The following KIF11 variants were observed in gnomAD, a reference collection of about 807,000 sequenced individuals.
KIF11 encodes the protein kinesin-like protein KIF11.
KIF11 carries 9 observed loss-of-function variants against 121.0 expected under a neutral mutation model. That is an observed-to-expected ratio of 0.07 (90% CI 0.04 to 0.13). The LOEUF (loss-of-function observed/expected upper bound fraction) is 0.13. Among genes scored for constraint, KIF11 ranks in the 10% least tolerant of loss-of-function variants. KIF11 has a pLI of 1.00. For missense variants in KIF11, 846 were observed against 1,217.5 expected (o/e 0.69, Z 4.54); for synonymous variants, 408 against 421.0 (o/e 0.97, Z 0.38).
At chr10:92,601,603 G>T (rs1844372927) in intron 1 of KIF11, among the ~76,000 whole-genome samples, 1 of 131,862 alleles carries the variant, frequency 7.6e-6, no homozygotes, top group Admixed American at 7.7e-5. Flanking sequence ...TCCTTGTCTT[G>T]CTCCTGTTCT....
At chr10:92,640,545 C>T (rs1056231992) in intron 17 of KIF11, among the ~76,000 whole-genome samples, 1 of 152,216 alleles carries the variant, frequency 6.6e-6, no homozygotes, top group African/African-American at 2.4e-5. Context: ...CATTCTCCTG[C>T]CTCAGCCTCC....
intron 1 of KIF11, among the ~76,000 whole-genome samples, chr10:92,594,440 C>T (rs556574887): frequency 2.6e-5 from 4 of 152,248 alleles, no homozygotes; most frequent in East Asian, 3.9e-4. Context: ...TTGTTGTACT[C>T]TGGGGCTTCT....
chr10:92,631,023 C>T (rs1007802231), intron 12 of KIF11, among the ~76,000 whole-genome samples: 1 of 151,222 alleles, frequency 6.6e-6, no homozygotes, highest in Admixed American at 6.6e-5. Context: ...TGGTGGCTCA[C>T]GCCTGTAATC....
At chr10:92,643,187 T>G (rs1169639884) in intron 17 of KIF11, among the ~76,000 whole-genome samples, 1 of 152,178 alleles carries the variant, frequency 6.6e-6, no homozygotes, top group East Asian at 1.9e-4. Flanking sequence ...GCTGGGATTA[T>G]AGGTGTGAGG....
At chr10:92,631,402 C>T (rs1332733630) in intron 12 of KIF11, among the ~76,000 whole-genome samples, 6 of 148,902 alleles carry the variant, frequency 4.0e-5, no homozygotes, top group East Asian at 2.0e-4. Flanking sequence ...TCGCCCAGGC[C>T]GGACTGCGGA....
chr10:92,606,561 A>G, intron 2 of KIF11, 58 bp from the exon 3 acceptor site: 1 of 1,277,558 alleles, frequency 7.8e-7, no homozygotes, highest in Non-Finnish European at 1.1e-6. Flanking sequence ...CGAAAAACAA[A>G]ATTATTAAAA....
chr10:92,593,381 G>A lies in KIF11; in HGVS notation c.6G>A (p.Ala2=), dbSNP rs1437550192. The A allele has an allele frequency of 6.2e-7, 1 of 1,607,680 alleles. No homozygotes were observed. Among genetic ancestry groups the A allele is most frequent in the Non-Finnish European group, 8.5e-7 (1 of 1,177,690 alleles). The change falls in exon 1 of 22, where the codon GCG becomes GCA. Residue 2 remains alanine, a synonymous_variant. Transcript: ENST00000260731. ...ATTTTTTGGCGGGGACCGTCATGGC[G>A]TCGCAGCCAAATTCGTCTGCGAAGA... M[A]SQPNSSAKKK...
intron 10 of KIF11, among the ~76,000 whole-genome samples, chr10:92,624,944 A>G (rs910460637): frequency 2.0e-5 from 3 of 151,290 alleles, no homozygotes; most frequent in Non-Finnish European, 4.4e-5. Context: ...TAATTTTTGT[A>G]TTTTTAGTAG....
intron 21 of KIF11, among the ~76,000 whole-genome samples, chr10:92,650,731 TAC>T (rs1844971469): frequency 6.6e-6 from 1 of 152,184 alleles, no homozygotes; most frequent in Admixed American, 6.5e-5. Context: ...TGACTTAATC[TAC>T]ATCCTTAGCT....
At chr10:92,641,445 GA>G (rs1165502687) in intron 17 of KIF11, among the ~76,000 whole-genome samples, 2 of 152,140 alleles carry the variant, frequency 1.3e-5, no homozygotes, top group African/African-American at 4.8e-5. Flanking sequence ...ACTGGCTGTG[GA>G]ATTCAGGGTT....
rs758052909 is a variant in KIF11, at chr10:92,593,327, A to T, written c.-49A>T. 2.6e-6 allele frequency: 4 copies of T among 1,563,700 alleles called. No homozygotes were observed. Among genetic ancestry groups the T allele is most frequent in the African/African-American group, 1.3e-5 (1 of 74,118 alleles). ...CGGCCGCCAAGCCCCTCCGCCCCTC[A>T]CAGCGCCCAGGTCCGCGGCCGGGCC... On this transcript the variant is annotated 5_prime_UTR_variant, in exon 1 of 22. Transcript: ENST00000260731.
chr10:92,632,756 A>ATACTT, intron 13 of KIF11, 63 bp downstream of exon 13: 1 of 951,246 alleles, frequency 1.1e-6, no homozygotes, highest in Non-Finnish European at 1.6e-6. Context: ...TTCAAAACTG[A>ATACTT]TAATTTTGTG....
At chr10:92,637,621 A>G (rs1478264911) in intron 16 of KIF11, 76 bp downstream of exon 16, 2 of 1,383,114 alleles carry the variant, frequency 1.4e-6, no homozygotes, top group East Asian at 2.4e-5. Flanking sequence ...TAATTAATCT[A>G]TGTTACACAA....
chr10:92,632,404 A>T, intron 12 of KIF11, 82 bp from the exon 13 acceptor site: 1 of 922,716 alleles, frequency 1.1e-6, no homozygotes, highest in Non-Finnish European at 1.7e-6. Flanking sequence ...AGTTCTTATC[A>T]AGATAAATCC....
chr10:92,629,101 C>G (rs1162665611), intron 11 of KIF11, among the ~76,000 whole-genome samples: 2 of 152,018 alleles, frequency 1.3e-5, no homozygotes, highest in African/African-American at 2.4e-5. Flanking sequence ...CTGCCTCAGC[C>G]TCCCGAGTAG....
intron 4 of KIF11, among the ~76,000 whole-genome samples, chr10:92,607,948 A>C (rs1844447429): frequency 6.6e-6 from 1 of 152,006 alleles, no homozygotes; most frequent in South Asian, 2.1e-4. Flanking sequence ...TGAGGTCAGC[A>C]GTTCGAGACC....
chr10:92,607,307 G>A, intron 4 of KIF11, 70 bp downstream of exon 4: 1 of 888,112 alleles, frequency 1.1e-6, no homozygotes, highest in Non-Finnish European at 1.8e-6. Flanking sequence ...ACTTGTTTGA[G>A]GGCCTCTGTC....
chr10:92,643,371 A>G (rs969412673), intron 17 of KIF11, among the ~76,000 whole-genome samples: 22 of 152,162 alleles, frequency 1.4e-4, no homozygotes, highest in African/African-American at 5.3e-4. Context: ...ATTTGAATCC[A>G]TTATCAAATA....
At chr10:92,617,249 A>C (rs545584464) in intron 9 of KIF11, among the ~76,000 whole-genome samples, 1 of 152,276 alleles carries the variant, frequency 6.6e-6, no homozygotes, top group South Asian at 2.1e-4. Flanking sequence ...CTTTACAATC[A>C]TGTGGCCACT....
Sources: allele counts gnomAD v4.1 joint callset (sites outside exome capture counted in the v4.1 genomes callset), GRCh38; gene constraint gnomAD v4.1.1; transcripts MANE v1.5; gene names NCBI Gene and HGNC (gene_info 2026-07-23, HGNC 2026-07-21).